Variants in PTPRD observed in about 807,000 individuals in gnomAD.
The protein encoded by PTPRD is protein tyrosine phosphatase receptor type D.
Under a neutral mutation model 214.5 loss-of-function variants are expected in PTPRD, and 34 were observed. The observed-to-expected ratio is 0.16, with a 90% confidence interval of 0.12 to 0.21. PTPRD has a LOEUF of 0.21. Ranked by LOEUF, PTPRD falls within the 10% of genes least tolerant of loss-of-function variation. The pLI, the probability that PTPRD is intolerant of heterozygous loss-of-function variation, is 1.00. For missense variants in PTPRD, 2,545 were observed against 2,398.7 expected (o/e 1.06, Z -1.27); for synonymous variants, 1,128 against 845.7 (o/e 1.33, Z -5.79).
intron 2 of PTPRD, among the ~76,000 whole-genome samples, chr9:10,505,161 G>A (rs833417): frequency 0.65 from 99,180 of 151,968 alleles, 32,545 homozygotes; most frequent in Admixed American, 0.75. Context: ...GGATATACAT[G>A]TCCTCCACGC....
intron 7 of PTPRD, among the ~76,000 whole-genome samples, chr9:9,590,222 C>T (rs970998558): frequency 6.0e-5 from 9 of 150,674 alleles, no homozygotes; most frequent in Admixed American, 1.3e-4. Flanking sequence ...ATTTTTTTTT[C>T]CACAGGGCAA....
intron 44 of PTPRD, among the ~76,000 whole-genome samples, chr9:8,320,352 G>A (rs1459447692): frequency 6.6e-6 from 1 of 152,074 alleles, no homozygotes. Flanking sequence ...TTCAGAATAA[G>A]GTGAAGTGAA....
chr9:9,259,053 T>C (rs767579296), intron 9 of PTPRD, among the ~76,000 whole-genome samples: 4 of 151,772 alleles, frequency 2.6e-5, no homozygotes, highest in Non-Finnish European at 4.4e-5. Flanking sequence ...CATATGATTC[T>C]AATGTTCTTG....
At chr9:9,950,378 A>C (rs62536919) in intron 4 of PTPRD, among the ~76,000 whole-genome samples, 8,665 of 152,158 alleles carry the variant, frequency 0.057, 445 homozygotes, top group East Asian at 0.16. Context: ...GAAATTTCTC[A>C]CTTTTCTTTA....
At chr9:10,566,325 T>C (rs2065599693) in intron 2 of PTPRD, among the ~76,000 whole-genome samples, 2 of 152,024 alleles carry the variant, frequency 1.3e-5, no homozygotes, top group Non-Finnish European at 2.9e-5. Flanking sequence ...ATTGTCAGCT[T>C]TTCTATAGAA....
chr9:10,464,662 T>C (rs922054775), intron 2 of PTPRD, among the ~76,000 whole-genome samples: 1 of 152,132 alleles, frequency 6.6e-6, no homozygotes, highest in African/African-American at 2.4e-5. Flanking sequence ...GTGACCTAAT[T>C]ATGATTTGAA....
intron 2 of PTPRD, among the ~76,000 whole-genome samples, chr9:10,605,017 T>A (rs1040247234): frequency 2.0e-5 from 3 of 151,472 alleles, no homozygotes; most frequent in Non-Finnish European, 4.4e-5. Flanking sequence ...GTTTCCATGA[T>A]TTTTTTTAAG....
chr9:9,678,738 G>A (rs1437524292), intron 7 of PTPRD, among the ~76,000 whole-genome samples: 1 of 151,686 alleles, frequency 6.6e-6, no homozygotes, highest in Non-Finnish European at 1.5e-5. Context: ...GCATAACAAG[G>A]AGTCAGTCTA....
intron 11 of PTPRD, among the ~76,000 whole-genome samples, chr9:8,791,185 A>G (rs573974160): frequency 2.6e-5 from 4 of 152,194 alleles, no homozygotes; most frequent in African/African-American, 4.8e-5. Flanking sequence ...CAAAGGATGT[A>G]GAAAGAATAC....
At chr9:9,164,253 T>A (rs1413101153) in intron 10 of PTPRD, among the ~76,000 whole-genome samples, 1 of 152,182 alleles carries the variant, frequency 6.6e-6, no homozygotes, top group Non-Finnish European at 1.5e-5. Flanking sequence ...GCTACCTGTA[T>A]TCTTTGGCTT....
At chr9:9,215,826 C>G (rs902199114) in intron 9 of PTPRD, among the ~76,000 whole-genome samples, 2 of 152,120 alleles carry the variant, frequency 1.3e-5, no homozygotes, top group Admixed American at 6.5e-5. Context: ...GCTAGGGAGT[C>G]AGAACACCAC....
intron 8 of PTPRD, among the ~76,000 whole-genome samples, chr9:9,437,970 A>G (rs553598943): frequency 3.6e-4 from 55 of 152,254 alleles, no homozygotes; most frequent in African/African-American, 1.3e-3. Flanking sequence ...GTGTCTGCAG[A>G]GTTGGTTCCT....
intron 11 of PTPRD, among the ~76,000 whole-genome samples, chr9:8,808,068 G>T (rs2154521564): frequency 6.6e-6 from 1 of 152,248 alleles, no homozygotes; most frequent in African/African-American, 2.4e-5. Context: ...GTCCCCAATT[G>T]ATTTCCCCCT....
intron 9 of PTPRD, among the ~76,000 whole-genome samples, chr9:9,212,615 A>C (rs1460463798): frequency 6.6e-6 from 1 of 152,208 alleles, no homozygotes; most frequent in Non-Finnish European, 1.5e-5. Context: ...AGAAAAACAG[A>C]AGAAGGAGCA....
At chr9:8,542,540 T>C (rs2078742212) in intron 14 of PTPRD, among the ~76,000 whole-genome samples, 1 of 152,208 alleles carries the variant, frequency 6.6e-6, no homozygotes, top group South Asian at 2.1e-4. Context: ...TTTGCATATG[T>C]TTTCAGTCAT....
chr9:8,818,618 C>A (rs1303616371), intron 11 of PTPRD, among the ~76,000 whole-genome samples: 2 of 152,192 alleles, frequency 1.3e-5, no homozygotes, highest in African/African-American at 2.4e-5. Flanking sequence ...AAAGTTAAGT[C>A]TCCAGAATGC....
At position 8,439,732 on chromosome 9, in the gene PTPRD, C is replaced by T. The variant is rs74439037; in HGVS notation, c.3989-3043G>A. 2.0e-5 allele frequency among the ~76,000 whole-genome samples: 3 copies of T among 151,528 alleles called. No individual in the cohort carries two copies. The East Asian group carries it at 5.8e-4, about 29-fold the overall frequency. Reference sequence around the variant, plus strand: ...AATTCTGCAGAAACATCTCCGCTGCCCAATATTGAAAAAAAATGTTATATG... The same window carrying T: ...AATTCTGCAGAAACATCTCCGCTGCTCAATATTGAAAAAAAATGTTATATG... On this transcript the variant is annotated intron_variant, in intron 34 of 45. Coordinates refer to ENST00000381196, the MANE Select transcript of PTPRD (RefSeq NM_002839.4).
At chr9:9,444,637 G>C (rs764887946) in intron 8 of PTPRD, among the ~76,000 whole-genome samples, 3 of 152,090 alleles carry the variant, frequency 2.0e-5, no homozygotes, top group Non-Finnish European at 4.4e-5. Flanking sequence ...TATTTCCAAG[G>C]AGACTTTCTG....
At chr9:8,639,374 G>A (rs935894147) in intron 12 of PTPRD, among the ~76,000 whole-genome samples, 11 of 152,152 alleles carry the variant, frequency 7.2e-5, no homozygotes, top group African/African-American at 2.2e-4. Flanking sequence ...ATAGATTGCT[G>A]TATTAAATGG....
Sources: allele counts gnomAD v4.1 joint callset (sites outside exome capture counted in the v4.1 genomes callset), GRCh38; gene constraint gnomAD v4.1.1; transcripts MANE v1.5; gene names NCBI Gene and HGNC (gene_info 2026-07-23, HGNC 2026-07-21).